ACTR3C: variants seen among roughly 807,000 people sequenced by gnomAD.
ACTR3C encodes actin related protein 3C.
A neutral mutation model predicts 26.3 loss-of-function variants in ACTR3C; 18 were observed. The observed-to-expected ratio is 0.68, with a 90% CI of 0.47 to 1.01. The LOEUF is 1.01. ACTR3C is among the 50% of genes least tolerant of loss of function. The probability of loss-of-function intolerance (pLI) is 0.00; values close to 1 mark genes in which losing one functional copy is unlikely to be tolerated. For missense variants in ACTR3C, 184 were observed against 250.7 expected (o/e 0.73, Z 1.80); for synonymous variants, 55 against 94.5 (o/e 0.58, Z 2.42).
chr7:150,163,824 G>A, the ACTR3C span, among the ~76,000 whole-genome samples: 392 of 152,068 alleles, frequency 2.6e-3, 1 homozygote, highest in Non-Finnish European at 4.6e-3. Context: ...ATTTGAGTCC[G>A]CCTCCATGGA....
At chr7:150,180,727 G>T in the ACTR3C span, among the ~76,000 whole-genome samples, 1 of 149,196 alleles carries the variant, frequency 6.7e-6, no homozygotes, top group East Asian at 1.9e-4. Flanking sequence ...AGCCAGGATG[G>T]TCTCTATCTC....
chr7:150,179,161 C>A, the ACTR3C span, among the ~76,000 whole-genome samples: 3 of 145,050 alleles, frequency 2.1e-5, no homozygotes, highest in Non-Finnish European at 2.9e-5. Flanking sequence ...ACCAAATAAC[C>A]TAGAATATTA....
chr7:150,107,961 A>T, the ACTR3C span, among the ~76,000 whole-genome samples: 8 of 151,990 alleles, frequency 5.3e-5, 1 homozygote, highest in African/African-American at 1.9e-4. Context: ...GTAGGAGAAG[A>T]GGGTGAGGAT....
At chr7:150,016,085 C>T in the ACTR3C span, among the ~76,000 whole-genome samples, 18 of 151,946 alleles carry the variant, frequency 1.2e-4, no homozygotes, top group Non-Finnish European at 2.5e-4. Context: ...CTACCAAGCA[C>T]ACTCATCCCC....
chr7:149,975,753 A>G, the ACTR3C span, among the ~76,000 whole-genome samples: 1 of 152,338 alleles, frequency 6.6e-6, no homozygotes, highest in Non-Finnish European at 1.5e-5. Flanking sequence ...TTCACAGAGC[A>G]GCAGGAGAGG....
At chr7:150,120,703 T>C in the ACTR3C span, among the ~76,000 whole-genome samples, 13 of 152,016 alleles carry the variant, frequency 8.6e-5, no homozygotes, top group African/African-American at 3.1e-4. Context: ...TTCCAAACAA[T>C]AGAAAAAGAG....
intron 6 of ACTR3C, among the ~76,000 whole-genome samples, chr7:150,278,537 G>A (rs776930080): frequency 1.3e-5 from 2 of 152,196 alleles, no homozygotes; most frequent in Non-Finnish European, 2.9e-5. Context: ...CTCAGCACCC[G>A]CGGTGGGACC....
At chr7:150,166,824 C>T in the ACTR3C span, among the ~76,000 whole-genome samples, 1 of 150,690 alleles carries the variant, frequency 6.6e-6, no homozygotes, top group Non-Finnish European at 1.5e-5. Flanking sequence ...CCTTTCCCAG[C>T]CTCTGTAACC....
At chr7:150,164,526 G>GT in the ACTR3C span, among the ~76,000 whole-genome samples, 3 of 151,916 alleles carry the variant, frequency 2.0e-5, no homozygotes, top group Admixed American at 1.3e-4. Flanking sequence ...TTCTTCAGAA[G>GT]TAAGAATTAT....
chr7:150,235,996 T>C, the ACTR3C span, among the ~76,000 whole-genome samples: 3 of 150,774 alleles, frequency 2.0e-5, no homozygotes, highest in Non-Finnish European at 4.4e-5. Context: ...TTGTGCATTA[T>C]ATTTTTACTG....
chr7:150,213,619 G>A, the ACTR3C span, among the ~76,000 whole-genome samples: 1 of 152,136 alleles, frequency 6.6e-6, no homozygotes, highest in African/African-American at 2.4e-5. Flanking sequence ...GAAATAGGAT[G>A]AAATGCCCCA....
At chr7:150,032,434 C>T in the ACTR3C span, among the ~76,000 whole-genome samples, 2 of 151,832 alleles carry the variant, frequency 1.3e-5, no homozygotes, top group African/African-American at 4.8e-5. Context: ...CGGTGCAGGC[C>T]CTGACAACAC....
chr7:149,963,588 T>C, the ACTR3C span, among the ~76,000 whole-genome samples: 1 of 152,122 alleles, frequency 6.6e-6, no homozygotes, highest in African/African-American at 2.4e-5. Flanking sequence ...AACAGAGCCC[T>C]TCAGAACAAC....
chr7:150,082,365 A>T, the ACTR3C span, among the ~76,000 whole-genome samples: 1 of 152,082 alleles, frequency 6.6e-6, no homozygotes, highest in Non-Finnish European at 1.5e-5. Context: ...CCCCTTATTG[A>T]TCTCAAGATC....
chr7:150,297,831 G>A (rs1179003249), intron 1 of ACTR3C, among the ~76,000 whole-genome samples: 7 of 142,486 alleles, frequency 4.9e-5, no homozygotes, highest in Non-Finnish European at 7.5e-5. Flanking sequence ...CAGCCTGGGC[G>A]ATGGAGTGAG....
At chr7:150,115,383 C>T in the ACTR3C span, among the ~76,000 whole-genome samples, 10 of 152,268 alleles carry the variant, frequency 6.6e-5, no homozygotes, top group African/African-American at 2.2e-4. Context: ...CATTAGTCCT[C>T]GACAGAATTT....
the ACTR3C span, among the ~76,000 whole-genome samples, chr7:150,038,622 A>G: frequency 4.8e-5 from 7 of 145,072 alleles, no homozygotes. Context: ...TCTGTTCCCG[A>G]GCTGCGTTCG....
the ACTR3C span, among the ~76,000 whole-genome samples, chr7:150,198,113 C>T: frequency 2.0e-5 from 3 of 151,384 alleles, no homozygotes; most frequent in Admixed American, 1.3e-4. Context: ...CCCGAGGTGC[C>T]GGGATTGCAG....
At chr7:150,198,786 G>C in the ACTR3C span, among the ~76,000 whole-genome samples, 1,045 of 106,306 alleles carry the variant, frequency 9.8e-3, no homozygotes, top group South Asian at 0.017. Flanking sequence ...GGCCAGCCGT[G>C]CCGTCCGGGA....
Sources: gnomAD v4.1 joint callset for allele counts (sites outside exome capture counted in the v4.1 genomes callset) on GRCh38, gnomAD v4.1.1 for gene constraint, MANE v1.5 for transcripts, NCBI Gene and HGNC (gene_info 2026-07-23, HGNC 2026-07-21) for gene names.